The following ROBO2 variants were observed in gnomAD, a reference collection of about 807,000 sequenced individuals.
ROBO2 encodes the protein roundabout homolog 2.
In ROBO2, 53 loss-of-function variants were observed where a neutral mutation model predicts 160.8. The observed-to-expected ratio is 0.33, with a 90% CI of 0.26 to 0.41. The LOEUF is 0.41. ROBO2 is among the 10% of genes least tolerant of loss of function. ROBO2 has a pLI of 1.00. For synonymous variants in ROBO2, 664 were observed against 611.7 expected (o/e 1.09, Z -1.26); for missense variants, 1,577 against 1,722.4 (o/e 0.92, Z 1.49).
chr3:76,355,275 G>A (rs1187352070), intron 2 of ROBO2, among the ~76,000 whole-genome samples: 4 of 151,722 alleles, frequency 2.6e-5, no homozygotes, highest in East Asian at 1.9e-4. Flanking sequence ...AATTAAATTA[G>A]TTAACATTAG....
intron 2 of ROBO2, among the ~76,000 whole-genome samples, chr3:76,606,751 A>C (rs1288662711): frequency 6.6e-6 from 1 of 152,140 alleles, no homozygotes; most frequent in Non-Finnish European, 1.5e-5. Flanking sequence ...ACAAAGGAGA[A>C]ACCAGAGGAT....
intron 2 of ROBO2, among the ~76,000 whole-genome samples, chr3:76,087,963 T>A (rs1268494050): frequency 2.0e-5 from 3 of 152,046 alleles, no homozygotes; most frequent in African/African-American, 7.2e-5. Context: ...CAAGCAATTA[T>A]ATGTTATTTA....
intron 2 of ROBO2, among the ~76,000 whole-genome samples, chr3:77,300,988 C>G (rs11127584): frequency 6.6e-6 from 1 of 151,590 alleles, no homozygotes; most frequent in South Asian, 2.1e-4. Context: ...CCTGCCTCAG[C>G]CTCCCGAGTA....
At chr3:77,215,879 A>T (rs937205680) in intron 2 of ROBO2, among the ~76,000 whole-genome samples, 1 of 152,152 alleles carries the variant, frequency 6.6e-6, no homozygotes, top group Non-Finnish European at 1.5e-5. Flanking sequence ...TCAGCAGCGG[A>T]GGCTGCAGAA....
chr3:76,760,159 G>A (rs1428834657), intron 2 of ROBO2, among the ~76,000 whole-genome samples: 2 of 151,736 alleles, frequency 1.3e-5, no homozygotes, highest in African/African-American at 4.8e-5. Context: ...CTCCCTCAAA[G>A]GTTTGATGTA....
chr3:76,346,012 G>A (rs909366516), intron 2 of ROBO2, among the ~76,000 whole-genome samples: 2 of 151,970 alleles, frequency 1.3e-5, no homozygotes, highest in African/African-American at 4.8e-5. Flanking sequence ...GGCTCTATGG[G>A]GGTTCTAAAA....
chr3:76,548,231 C>CA (rs2083220881), intron 2 of ROBO2, among the ~76,000 whole-genome samples: 1 of 152,170 alleles, frequency 6.6e-6, no homozygotes, highest in Non-Finnish European at 1.5e-5. Flanking sequence ...ATTCATTCAA[C>CA]AAACAGTCAT....
At chr3:77,352,633 C>A (rs1301307677) in intron 2 of ROBO2, among the ~76,000 whole-genome samples, 1 of 152,004 alleles carries the variant, frequency 6.6e-6, no homozygotes, top group Non-Finnish European at 1.5e-5. Context: ...CAAAAAAGTT[C>A]AAAACTTTTG....
At chr3:76,704,772 C>A (rs2093124572) in intron 2 of ROBO2, among the ~76,000 whole-genome samples, 1 of 151,904 alleles carries the variant, frequency 6.6e-6, no homozygotes, top group Non-Finnish European at 1.5e-5. Context: ...CAGAAAGGTG[C>A]CAAAAATTAA....
At chr3:76,789,824 C>T (rs2063234822) in intron 2 of ROBO2, among the ~76,000 whole-genome samples, 1 of 151,558 alleles carries the variant, frequency 6.6e-6, no homozygotes, top group African/African-American at 2.4e-5. Context: ...AGGGCTCACA[C>T]ACAAAAATTA....
At chr3:76,197,099 G>A (rs141658857) in intron 2 of ROBO2, among the ~76,000 whole-genome samples, 7 of 152,152 alleles carry the variant, frequency 4.6e-5, no homozygotes, top group Admixed American at 3.3e-4. Flanking sequence ...TTTGGGGAGT[G>A]ATAATCCACT....
intron 2 of ROBO2, among the ~76,000 whole-genome samples, chr3:76,459,270 G>GAT (rs1053520512): frequency 3.3e-5 from 5 of 152,016 alleles, no homozygotes; most frequent in African/African-American, 9.7e-5. Context: ...ATATCCTAGT[G>GAT]ATATATATAC....
At chr3:75,987,517 T>A (rs1422524828) in intron 2 of ROBO2, among the ~76,000 whole-genome samples, 2 of 151,940 alleles carry the variant, frequency 1.3e-5, no homozygotes, top group African/African-American at 4.8e-5. Context: ...TTGTACTTCT[T>A]CCTTTCCAGT....
At chr3:76,120,620 C>A (rs1559567475) in intron 2 of ROBO2, among the ~76,000 whole-genome samples, 1 of 152,034 alleles carries the variant, frequency 6.6e-6, no homozygotes, top group Admixed American at 6.6e-5. Context: ...TAACAAGGAC[C>A]ACTCTACTTT....
chr3:76,071,624 G>C (rs1226120452), intron 2 of ROBO2, among the ~76,000 whole-genome samples: 11 of 152,016 alleles, frequency 7.2e-5, no homozygotes, highest in Non-Finnish European at 1.5e-4. Flanking sequence ...ATTTCTGTGA[G>C]CATTGTGAGC....
chr3:77,335,081 G>C (rs1212799569), intron 2 of ROBO2, among the ~76,000 whole-genome samples: 9 of 152,140 alleles, frequency 5.9e-5, no homozygotes. Context: ...CTTAGTTTAT[G>C]CTTTTGACAT....
chr3:76,060,607 C>T (rs2107882519), intron 2 of ROBO2, among the ~76,000 whole-genome samples: 2 of 152,250 alleles, frequency 1.3e-5, no homozygotes, highest in Middle Eastern at 3.4e-3. Context: ...ATTTCCATCC[C>T]TAACAATGGG....
chr3:76,352,165 A>T (rs1046295355), intron 2 of ROBO2, among the ~76,000 whole-genome samples: 3 of 151,940 alleles, frequency 2.0e-5, no homozygotes, highest in Non-Finnish European at 4.4e-5. Flanking sequence ...CAAGTTGAGA[A>T]GAGGTAGTCT....
At chr3:76,992,953 G>T (rs543751878) in intron 2 of ROBO2, among the ~76,000 whole-genome samples, 1 of 152,156 alleles carries the variant, frequency 6.6e-6, no homozygotes, top group Non-Finnish European at 1.5e-5. Flanking sequence ...GAATAACTGG[G>T]ATTACAGGCA....
Sources: gnomAD v4.1 joint callset for allele counts (sites outside exome capture counted in the v4.1 genomes callset) on GRCh38, gnomAD v4.1.1 for gene constraint, MANE v1.5 for transcripts, NCBI Gene and HGNC (gene_info 2026-07-23, HGNC 2026-07-21) for gene names.